Variants in UBR3 observed in about 807,000 individuals in gnomAD.
UBR3 encodes the protein E3 ubiquitin-protein ligase UBR3.
UBR3 carries 85 observed loss-of-function variants against 243.2 expected under a neutral mutation model. The ratio of observed to expected loss-of-function variants is 0.35; its 90% confidence interval spans 0.29 to 0.42. The LOEUF is 0.42. Ranked by LOEUF, UBR3 falls within the 10% of genes least tolerant of loss-of-function variation. The pLI is 1.00. For synonymous variants in UBR3, 748 were observed against 799.8 expected (o/e 0.94, Z 1.09); for missense variants, 1,686 against 2,300.8 (o/e 0.73, Z 5.47).
At position 169,947,563 on chromosome 2, in the gene UBR3, C is replaced by T. The variant is rs535968546; in HGVS notation, c.2932C>T (p.Arg978Cys). 22 of 1,507,460 alleles carry T rather than the reference C, an allele frequency of 1.5e-5. No homozygotes were observed. Among genetic ancestry groups the T allele is most frequent in the Middle Eastern group, 1.7e-4 (1 of 5,830 alleles). 93.4% of individuals were successfully genotyped at this position (1,507,460 alleles called of 1,614,324 possible). The change falls in exon 22 of 39, where the codon CGT (arginine) becomes TGT (cysteine). Residue 978 changes from arginine (R) to cysteine (C), a missense_variant. This residue lies in a region of UBR3 where 300 missense variants were observed against 314.4 expected (regional missense o/e 0.95). Coordinates refer to ENST00000272793, the MANE Select transcript of UBR3 (RefSeq NM_172070.4). The part of the protein sequence containing the change: ...DEEASVGGPE[R>C]CHDSWFPGSN... Reference sequence around the variant, plus strand: ...TTAGGCATCAGTGGGTGGACCAGAACGTTGTCATGACAGTTGGTTTCCTGG... The same window carrying T: ...TTAGGCATCAGTGGGTGGACCAGAATGTTGTCATGACAGTTGGTTTCCTGG...
intron 32 of UBR3, among the ~76,000 whole-genome samples, chr2:170,043,620 T>C (rs1382153223): frequency 6.6e-6 from 1 of 152,184 alleles, no homozygotes; most frequent in African/African-American, 2.4e-5. Context: ...TTCAATAAAT[T>C]CATTGCTTGA....
intron 25 of UBR3, among the ~76,000 whole-genome samples, chr2:169,992,158 G>A (rs2100851): frequency 0.82 from 124,612 of 152,162 alleles, 51,333 homozygotes; most frequent in Middle Eastern, 0.9. Flanking sequence ...ATTAGATGAC[G>A]TGGATTAAAT....
intron 30 of UBR3, among the ~76,000 whole-genome samples, chr2:170,021,590 T>A (rs974510438): frequency 6.6e-6 from 1 of 152,192 alleles, no homozygotes; most frequent in Non-Finnish European, 1.5e-5. Context: ...GACTTCAACA[T>A]ATGAATTTTG....
chr2:170,052,985 C>T (rs999252302), intron 32 of UBR3, among the ~76,000 whole-genome samples: 2 of 152,094 alleles, frequency 1.3e-5, no homozygotes, highest in African/African-American at 4.8e-5. Flanking sequence ...TCAATTATAC[C>T]TCAGTAAAGC....
intron 29 of UBR3, among the ~76,000 whole-genome samples, chr2:170,012,167 C>T (rs2090103188): frequency 2.0e-5 from 3 of 151,970 alleles, no homozygotes; most frequent in Non-Finnish European, 4.4e-5. Flanking sequence ...TTGCTAAATA[C>T]CAAATTATGA....
intron 30 of UBR3, among the ~76,000 whole-genome samples, chr2:170,021,758 G>A (rs1259600803): frequency 6.6e-6 from 1 of 152,116 alleles, no homozygotes; most frequent in African/African-American, 2.4e-5. Flanking sequence ...ATTTGGAGAG[G>A]TTTAAGAATG....
intron 33 of UBR3, among the ~76,000 whole-genome samples, chr2:170,057,404 C>A (rs887786972): frequency 1.3e-5 from 2 of 152,138 alleles, no homozygotes; most frequent in Non-Finnish European, 2.9e-5. Context: ...CAGGCATGAG[C>A]CACCTTGCCT....
chr2:169,996,293 T>A (rs79336084), intron 26 of UBR3, among the ~76,000 whole-genome samples: 6,637 of 152,300 alleles, frequency 0.044, 181 homozygotes, highest in Non-Finnish European at 0.068. Context: ...TGGTCCTGAT[T>A]CTGCCATTTC....
At chr2:170,029,708 T>C (rs1291839820) in intron 31 of UBR3, among the ~76,000 whole-genome samples, 1 of 152,074 alleles carries the variant, frequency 6.6e-6, no homozygotes, top group East Asian at 1.9e-4. Context: ...TGGAGGCATG[T>C]AATGGCTGGT....
chr2:169,908,304 G>A (rs1171215095), intron 10 of UBR3, among the ~76,000 whole-genome samples: 2 of 152,142 alleles, frequency 1.3e-5, no homozygotes, highest in Non-Finnish European at 2.9e-5. Flanking sequence ...TAACCAAAAT[G>A]AAGAACAATT....
At chr2:169,969,236 T>G (rs1444277556) in intron 24 of UBR3, among the ~76,000 whole-genome samples, 1 of 152,210 alleles carries the variant, frequency 6.6e-6, no homozygotes, top group Non-Finnish European at 1.5e-5. Context: ...TGCTTGTACT[T>G]TTGATGTCGT....
chr2:169,875,259 T>C (rs1260845298), intron 2 of UBR3, among the ~76,000 whole-genome samples: 2 of 152,190 alleles, frequency 1.3e-5, no homozygotes, highest in African/African-American at 4.8e-5. Context: ...AAATACTATC[T>C]TTTTTTGAAA....
chr2:170,004,202 T>C (rs2089821615), intron 27 of UBR3, among the ~76,000 whole-genome samples: 1 of 152,176 alleles, frequency 6.6e-6, no homozygotes, highest in African/African-American at 2.4e-5. Context: ...GACTTACTCA[T>C]GTCTATGAAA....
intron 18 of UBR3, among the ~76,000 whole-genome samples, chr2:169,930,544 G>A (rs2086082449): frequency 6.6e-6 from 1 of 151,898 alleles, no homozygotes; most frequent in East Asian, 1.9e-4. Flanking sequence ...CCACCACCAT[G>A]CTGGCTAATT....
intron 14 of UBR3, among the ~76,000 whole-genome samples, chr2:169,926,065 A>G (rs1302431299): frequency 6.6e-6 from 1 of 152,106 alleles, no homozygotes; most frequent in Non-Finnish European, 1.5e-5. Flanking sequence ...GCTTTGAGGC[A>G]TAGGGGCTGT....
chr2:170,057,106 CTTTAG>C (rs1484588458), intron 33 of UBR3, among the ~76,000 whole-genome samples: 1 of 137,906 alleles, frequency 7.3e-6, no homozygotes, highest in East Asian at 2.2e-4. Context: ...TTGTAATTAT[CTTTAG>C]TTTTTTCTTT....
chr2:170,023,023 T>C (rs898134347), intron 30 of UBR3, among the ~76,000 whole-genome samples: 5 of 152,214 alleles, frequency 3.3e-5, no homozygotes, highest in African/African-American at 1.2e-4. Flanking sequence ...ACCTATTACA[T>C]TCACCTTAGG....
At chr2:169,845,551 CT>C (rs1385065518) in intron 1 of UBR3, among the ~76,000 whole-genome samples, 1 of 129,748 alleles carries the variant, frequency 7.7e-6, no homozygotes, top group Non-Finnish European at 1.6e-5. Context: ...TCTTCTTCTT[CT>C]TTCTTCTTCT....
intron 31 of UBR3, among the ~76,000 whole-genome samples, chr2:170,038,592 T>C (rs899614311): frequency 5.3e-5 from 8 of 152,030 alleles, no homozygotes; most frequent in Admixed American, 2.6e-4. Context: ...AAAGAGGAAG[T>C]AGAGATAGAG....
Sources: gnomAD v4.1 joint callset for allele counts (sites outside exome capture counted in the v4.1 genomes callset) on GRCh38, gnomAD v4.1.1 for gene constraint, gnomAD v4.1.1 regional missense constraint, MANE v1.5 for transcripts, NCBI Gene and HGNC (gene_info 2026-07-23, HGNC 2026-07-21) for gene names.